Variants in SDK1 observed in about 807,000 individuals in gnomAD.
SDK1 encodes sidekick cell adhesion molecule 1, also known as protein sidekick-1.
Under a neutral mutation model 245.5 loss-of-function variants are expected in SDK1, and 157 were observed. The ratio of observed to expected loss-of-function variants is 0.64; its 90% confidence interval spans 0.56 to 0.73. SDK1 has a LOEUF of 0.73. Among genes scored for constraint, SDK1 ranks in the 30% least tolerant of loss-of-function variants. The pLI is 0.00. For missense variants in SDK1, 3,583 were observed against 3,002.3 expected, an observed-to-expected ratio of 1.19 and a Z score of -4.52; for synonymous variants, 1,647 against 1,278.5, an observed-to-expected ratio of 1.29 and a Z score of -6.15.
intron 4 of SDK1, among the ~76,000 whole-genome samples, chr7:3,761,060 G>A (rs768139928): frequency 2.6e-5 from 4 of 152,130 alleles, no homozygotes; most frequent in African/African-American, 7.2e-5. Flanking sequence ...AGTTAGATAC[G>A]TAGGAGTGGG....
At chr7:3,908,088 T>G (rs1779018630) in intron 5 of SDK1, among the ~76,000 whole-genome samples, 1 of 152,082 alleles carries the variant, frequency 6.6e-6, no homozygotes, top group African/African-American at 2.4e-5. Flanking sequence ...TAACAAACAT[T>G]TATTGAGTGC....
chr7:3,975,945 TGAG>T (rs1782915960), intron 13 of SDK1, among the ~76,000 whole-genome samples: 1 of 138,536 alleles, frequency 7.2e-6, no homozygotes, highest in African/African-American at 2.7e-5. Context: ...GTCCCGGGGC[TGAG>T]GCTGCCACGC....
intron 25 of SDK1, among the ~76,000 whole-genome samples, chr7:4,122,520 C>A (rs901063516): frequency 6.6e-6 from 1 of 152,168 alleles, no homozygotes; most frequent in Non-Finnish European, 1.5e-5. Context: ...AGAGAACACA[C>A]AGCAGAATGC....
intron 5 of SDK1, among the ~76,000 whole-genome samples, chr7:3,899,699 A>C (rs890540300): frequency 1.3e-5 from 2 of 152,060 alleles, no homozygotes; most frequent in African/African-American, 4.8e-5. Context: ...CCGTGGAAGC[A>C]CCTCCTCTGT....
At chr7:3,756,752 C>T (rs965910647) in intron 4 of SDK1, among the ~76,000 whole-genome samples, 28 of 152,238 alleles carry the variant, frequency 1.8e-4, no homozygotes, top group Non-Finnish European at 7.4e-5. Context: ...CCTCGTCAGG[C>T]ATCTTTGGGT....
chr7:4,173,005 T>C (rs921318165), intron 32 of SDK1, among the ~76,000 whole-genome samples: 1 of 152,194 alleles, frequency 6.6e-6, no homozygotes, highest in African/African-American at 2.4e-5. Flanking sequence ...CTTGAGCGTG[T>C]CTTTTAGGGG....
At chr7:3,865,386 G>C (rs1431467563) in intron 5 of SDK1, among the ~76,000 whole-genome samples, 1 of 152,296 alleles carries the variant, frequency 6.6e-6, no homozygotes, top group East Asian at 1.9e-4. Context: ...GAGTAAGACC[G>C]ACAGACTCAA....
intron 4 of SDK1, among the ~76,000 whole-genome samples, chr7:3,694,582 G>T (rs1056009160): frequency 1.3e-5 from 2 of 151,494 alleles, no homozygotes; most frequent in Non-Finnish European, 2.9e-5. Context: ...GTTGGTGGGG[G>T]GGGAAAAGCA....
chr7:4,214,161 T>C (rs1784659978), intron 38 of SDK1, among the ~76,000 whole-genome samples: 1 of 152,172 alleles, frequency 6.6e-6, no homozygotes, highest in Non-Finnish European at 1.5e-5. Flanking sequence ...AACCCAGGTG[T>C]TCTGAGTCCA....
chr7:3,608,811 G>A (rs1388862191), intron 1 of SDK1, among the ~76,000 whole-genome samples: 1 of 152,182 alleles, frequency 6.6e-6, no homozygotes, highest in Non-Finnish European at 1.5e-5. Flanking sequence ...TAACCTTTAT[G>A]AAACTGACAC....
intron 1 of SDK1, among the ~76,000 whole-genome samples, chr7:3,451,261 C>A (rs73293200): frequency 0.021 from 3,235 of 152,046 alleles, 124 homozygotes; most frequent in African/African-American, 0.075. Flanking sequence ...AAGAGACAAG[C>A]CCGGAGTTCC....
At chr7:3,438,847 A>AT (rs1562486729) in intron 1 of SDK1, among the ~76,000 whole-genome samples, 9 of 110,184 alleles carry the variant, frequency 8.2e-5, no homozygotes, top group African/African-American at 1.9e-4. Context: ...CTTTGTATTA[A>AT]TATTTTTTTT....
chr7:4,227,612 G>A (rs1785518277), intron 40 of SDK1, among the ~76,000 whole-genome samples: 2 of 152,336 alleles, frequency 1.3e-5, no homozygotes, highest in African/African-American at 2.4e-5. Context: ...TTGTGTGAGT[G>A]CGTGGAACCA....
At chr7:4,017,630 C>G (rs1786520549) in intron 17 of SDK1, among the ~76,000 whole-genome samples, 2 of 152,164 alleles carry the variant, frequency 1.3e-5, no homozygotes, top group South Asian at 4.1e-4. Flanking sequence ...CTTGAAAAGT[C>G]TGTGGAACTG....
intron 5 of SDK1, among the ~76,000 whole-genome samples, chr7:3,920,847 A>G (rs979037305): frequency 2.0e-5 from 3 of 152,278 alleles, no homozygotes; most frequent in Middle Eastern, 3.4e-3. Flanking sequence ...TTACGGGAAG[A>G]TGGATCTCGC....
At chr7:3,408,556 T>C (rs1464585964) in intron 1 of SDK1, among the ~76,000 whole-genome samples, 2 of 152,212 alleles carry the variant, frequency 1.3e-5, no homozygotes, top group Admixed American at 6.5e-5. Context: ...TTAATACATG[T>C]GAGTATCTCA....
chr7:3,445,643 A>T (rs934075312), intron 1 of SDK1, among the ~76,000 whole-genome samples: 1 of 152,168 alleles, frequency 6.6e-6, no homozygotes. Context: ...CATTGGTACA[A>T]TGTATATGTG....
chr7:3,809,500 G>C (rs561298590), intron 4 of SDK1, among the ~76,000 whole-genome samples: 2 of 152,272 alleles, frequency 1.3e-5, no homozygotes, highest in African/African-American at 2.4e-5. Flanking sequence ...GCACAGCTTT[G>C]TCACTCGGCA....
intron 5 of SDK1, among the ~76,000 whole-genome samples, chr7:3,824,926 GT>G (rs1668608265): frequency 1.3e-5 from 2 of 152,104 alleles, no homozygotes; most frequent in South Asian, 4.1e-4. Flanking sequence ...ATTCCAGCAT[GT>G]TCTGAACCGA....
Sources: allele counts gnomAD v4.1 joint callset (sites outside exome capture counted in the v4.1 genomes callset), GRCh38; gene constraint gnomAD v4.1.1; transcripts MANE v1.5; gene names NCBI Gene and HGNC (gene_info 2026-07-23, HGNC 2026-07-21).